The following INPP4B variants were observed in gnomAD, a reference collection of about 807,000 sequenced individuals.
INPP4B encodes inositol polyphosphate-4-phosphatase type II B, also known as inositol polyphosphate 4-phosphatase type II.
In INPP4B, 55 loss-of-function variants were observed where a neutral mutation model predicts 122.5. That is an observed-to-expected ratio of 0.45 (90% CI 0.36 to 0.56). INPP4B has a LOEUF of 0.56. Among genes scored for constraint, INPP4B ranks in the 20% least tolerant of loss-of-function variants. The pLI is 0.00. For synonymous variants in INPP4B, 403 were observed against 388.7 expected (o/e 1.04, Z -0.43); for missense variants, 1,000 against 1,097.7 (o/e 0.91, Z 1.26).
intron 2 of INPP4B, among the ~76,000 whole-genome samples, chr4:142,593,871 TAC>T (rs529160360): frequency 4.1e-4 from 61 of 149,242 alleles, no homozygotes; most frequent in East Asian, 9.8e-4. Context: ...TCAGCATAAA[TAC>T]ACACACACAC....
chr4:142,212,322 A>G (rs1007706907), intron 12 of INPP4B, among the ~76,000 whole-genome samples: 2 of 152,258 alleles, frequency 1.3e-5, no homozygotes, highest in African/African-American at 4.8e-5. Flanking sequence ...CTTAATTGAT[A>G]TTCATCACCT....
intron 2 of INPP4B, among the ~76,000 whole-genome samples, chr4:142,475,207 T>A (rs1283320919): frequency 6.6e-6 from 1 of 151,812 alleles, no homozygotes; most frequent in Non-Finnish European, 1.5e-5. Context: ...AGGAGTAGAA[T>A]AGAATCAAAA....
In INPP4B at chr4:142,401,662, T is replaced by TATTA. The variant is rs1334212231; in HGVS notation, c.372+1272_372+1275dup. Among the ~76,000 whole-genome samples, 7 of 152,302 alleles carry TATTA rather than the reference T, an allele frequency of 4.6e-5. 1 individual carries two copies. The highest frequency in any genetic ancestry group is 3.4e-3 in the Middle Eastern group (1 of 294). On this transcript the variant is annotated intron_variant, in intron 7 of 25. Transcript: ENST00000262992. Reference sequence around the variant, plus strand: ...GTAACAGTCAGTAACACTTTACGTATATTAATTAATTTAATCCTTACAACA... The same window carrying TATTA: ...GTAACAGTCAGTAACACTTTACGTATATTAATTAATTAATTTAATCCTTACAACA...
chr4:142,072,480 TA>T (rs373078350), intron 25 of INPP4B, among the ~76,000 whole-genome samples: 49 of 126,948 alleles, frequency 3.9e-4, no homozygotes, highest in East Asian at 8.8e-4. Flanking sequence ...AGGATAATAA[TA>T]AAAAAAAAAG....
chr4:142,406,009 A>T (rs1372706045), intron 5 of INPP4B, among the ~76,000 whole-genome samples: 1 of 152,182 alleles, frequency 6.6e-6, no homozygotes, highest in Non-Finnish European at 1.5e-5. Flanking sequence ...CCTCGCCACC[A>T]TACCATATTT....
intron 15 of INPP4B, among the ~76,000 whole-genome samples, chr4:142,186,718 T>C (rs1245535152): frequency 6.6e-6 from 1 of 152,220 alleles, no homozygotes; most frequent in African/African-American, 2.4e-5. Context: ...TGTTTTTGTA[T>C]ACAGCTACAA....
chr4:142,366,309 G>A (rs1787447442), intron 7 of INPP4B, among the ~76,000 whole-genome samples: 1 of 149,346 alleles, frequency 6.7e-6, no homozygotes, highest in Non-Finnish European at 1.5e-5. Context: ...CTGCACCCAG[G>A]TGAAATAAAC....
At chr4:142,557,542 A>G (rs1288717433) in intron 2 of INPP4B, among the ~76,000 whole-genome samples, 4 of 152,146 alleles carry the variant, frequency 2.6e-5, no homozygotes. Context: ...TTAGTGGCAG[A>G]ATCTGGGAAT....
chr4:142,630,573 G>C (rs1431086635), intron 2 of INPP4B, among the ~76,000 whole-genome samples: 1 of 151,700 alleles, frequency 6.6e-6, no homozygotes, highest in East Asian at 2.0e-4. Flanking sequence ...TAGAAATCTG[G>C]ATAAAATGTT....
chr4:142,441,217 A>T (rs527542933), intron 3 of INPP4B, among the ~76,000 whole-genome samples: 38 of 152,306 alleles, frequency 2.5e-4, no homozygotes, highest in South Asian at 4.1e-4. Flanking sequence ...AAGAAAAGCA[A>T]CCTATTTAGA....
In INPP4B at chr4:142,461,448, G is replaced by A. The variant is rs116267697; in HGVS notation, c.-127+1215C>T. Among the ~76,000 whole-genome samples, 953 of 152,260 alleles carry A rather than the reference G, an allele frequency of 6.3e-3. 14 individuals carry two copies. The highest frequency in any genetic ancestry group is 0.022 in the African/African-American group (899 of 41,556). On this transcript the variant is annotated intron_variant, in intron 3 of 25. Coordinates refer to ENST00000262992, the MANE Select transcript of INPP4B (RefSeq NM_001101669.3). ...GTTGAAAATTATTTAGGAAGCTTTTGCTCCAGTTGTTCTTGATACCTGAGG... is the reference window on the plus strand; with the variant it reads ...GTTGAAAATTATTTAGGAAGCTTTTACTCCAGTTGTTCTTGATACCTGAGG...
At chr4:142,121,141 G>A (rs186988372) in intron 21 of INPP4B, among the ~76,000 whole-genome samples, 58 of 152,106 alleles carry the variant, frequency 3.8e-4, no homozygotes, top group East Asian at 3.3e-3. Context: ...TCAGGTGTGC[G>A]TATGAGCAAT....
intron 23 of INPP4B, among the ~76,000 whole-genome samples, chr4:142,102,850 C>T (rs1785156184): frequency 6.6e-6 from 1 of 152,020 alleles, no homozygotes; most frequent in Non-Finnish European, 1.5e-5. Context: ...ATCCTTTGTC[C>T]ATAACTTCCA....
At chr4:142,507,172 C>T (rs185490485) in intron 2 of INPP4B, among the ~76,000 whole-genome samples, 30 of 152,222 alleles carry the variant, frequency 2.0e-4, no homozygotes, top group Non-Finnish European at 3.7e-4. Flanking sequence ...ATTATAGCCA[C>T]GAGGATAGTC....
chr4:142,257,707 G>T (rs967425489), intron 11 of INPP4B, among the ~76,000 whole-genome samples: 2 of 152,128 alleles, frequency 1.3e-5, no homozygotes, highest in Non-Finnish European at 2.9e-5. Flanking sequence ...AATAAAAGAG[G>T]ATACAAACAA....
At chr4:142,314,595 A>T in intron 8 of INPP4B, 117 bp downstream of exon 8, 1 of 921,144 alleles carries the variant, frequency 1.1e-6, no homozygotes, top group South Asian at 1.6e-5. Flanking sequence ...GAAGAGCCAC[A>T]CCCTGTTAAT....
At chr4:142,460,020 T>A (rs1418257558) in intron 3 of INPP4B, among the ~76,000 whole-genome samples, 2 of 152,202 alleles carry the variant, frequency 1.3e-5, no homozygotes, top group Non-Finnish European at 2.9e-5. Flanking sequence ...TTGTCTTAGA[T>A]ATATGTTCTC....
chr4:142,122,087 G>A, intron 21 of INPP4B, 41 bp downstream of exon 21: 2 of 1,278,734 alleles, frequency 1.6e-6, no homozygotes, highest in Non-Finnish European at 2.3e-6. Flanking sequence ...AACACGACAT[G>A]TCTAACAAAG....
intron 17 of INPP4B, among the ~76,000 whole-genome samples, chr4:142,149,086 G>T (rs1042551853): frequency 6.6e-6 from 1 of 152,160 alleles, no homozygotes; most frequent in Non-Finnish European, 1.5e-5. Context: ...CTCTTTTATG[G>T]CCTTTACTAA....
Sources: allele counts gnomAD v4.1 joint callset (sites outside exome capture counted in the v4.1 genomes callset), GRCh38; gene constraint gnomAD v4.1.1; transcripts MANE v1.5; gene names NCBI Gene and HGNC (gene_info 2026-07-23, HGNC 2026-07-21).